The following DMD variants were observed in gnomAD, a reference collection of about 807,000 sequenced individuals.
DMD encodes the protein mutant dystrophin.
In DMD, 63 loss-of-function variants were observed where a neutral mutation model predicts 330.1. The ratio of observed to expected loss-of-function variants is 0.19; its 90% CI spans 0.16 to 0.24. The LOEUF (loss-of-function observed/expected upper bound fraction) is 0.24. Ranked by LOEUF, DMD falls within the 10% of genes least tolerant of loss-of-function variation. The pLI, the probability that DMD is intolerant of heterozygous loss-of-function variation, is 1.00. For synonymous variants in DMD, 1,223 were observed against 959.8 expected, an observed-to-expected ratio of 1.27 and a Z score of -5.07; for missense variants, 3,344 against 2,684.1, an observed-to-expected ratio of 1.25 and a Z score of -5.43.
chrX:32,390,033 A>G, intron 31 of DMD, 38 bp downstream of exon 31: 1 of 1,102,310 alleles, frequency 9.1e-7, no homozygotes, highest in Non-Finnish European at 1.3e-6. Context: ...ATAATGCCCA[A>G]CGAAAACACG....
chrX:32,374,389 C>G (rs1477453172), intron 34 of DMD, among the ~76,000 whole-genome samples: 1 of 111,384 alleles, frequency 9.0e-6, no homozygotes, highest in Non-Finnish European at 1.9e-5. Flanking sequence ...AGCCAGTGTC[C>G]AGAAGAACTT....
intron 44 of DMD, among the ~76,000 whole-genome samples, chrX:32,115,957 C>T (rs1271644821): frequency 8.9e-6 from 1 of 111,934 alleles, no homozygotes; most frequent in African/African-American, 3.3e-5. Flanking sequence ...GATGAATGAA[C>T]TCTTTGAAGA....
intron 52 of DMD, among the ~76,000 whole-genome samples, chrX:31,728,561 T>C (rs2086256441): frequency 8.9e-6 from 1 of 112,157 alleles, no homozygotes; most frequent in Non-Finnish European, 1.9e-5. Context: ...CCTTTTACTC[T>C]GGTTACTCTT....
rs73621831 is a variant in DMD at position 32,791,175 on chromosome X, C to T, written c.649+18318G>A. ...AACTGGCTTGCCCAATCTGTTGCAT[C>T]CACCACCAACACCATCATGGATTGC... On this transcript the variant is annotated intron_variant, in intron 7 of 78. Coordinates refer to ENST00000357033, the MANE Select transcript of DMD (RefSeq NM_004006.3). Among the ~76,000 whole-genome samples, 221 of 109,545 alleles carry T rather than the reference C, an allele frequency of 2.0e-3. 1 individual carries two copies. The highest frequency in any genetic ancestry group is 6.7e-3 in the African/African-American group (202 of 30,210).
At chrX:32,360,800 A>AAAATAATAATAAT (rs2097829882) in intron 37 of DMD, among the ~76,000 whole-genome samples, 2 of 95,953 alleles carry the variant, frequency 2.1e-5, no homozygotes, top group African/African-American at 3.9e-5. Context: ...CACACACACA[A>AAAATAATAATAAT]AATAATAATA....
At chrX:32,343,790 T>C (rs2146999897) in intron 39 of DMD, among the ~76,000 whole-genome samples, 1 of 112,210 alleles carries the variant, frequency 8.9e-6, no homozygotes, top group Admixed American at 9.5e-5. Context: ...TCATAGGCCA[T>C]TAATATTTTA....
chrX:32,186,910 G>A (rs1380024185), intron 44 of DMD, among the ~76,000 whole-genome samples: 2 of 110,585 alleles, frequency 1.8e-5, no homozygotes, highest in Non-Finnish European at 3.8e-5. Flanking sequence ...GTAATTTAAC[G>A]GAACATATCA....
At chrX:31,394,087 T>C (rs2060807158) in intron 60 of DMD, among the ~76,000 whole-genome samples, 1 of 112,801 alleles carries the variant, frequency 8.9e-6, no homozygotes, top group Non-Finnish European at 1.9e-5. Context: ...TATTTGCTAA[T>C]ACTTGGTATT....
chrX:32,451,556 ACTTTC>A (rs2098330190), intron 26 of DMD, among the ~76,000 whole-genome samples: 1 of 110,676 alleles, frequency 9.0e-6, no homozygotes, highest in Non-Finnish European at 1.9e-5. Context: ...TGTCAAAAAA[ACTTTC>A]CTTTTCAGGG....
chrX:31,310,110 C>T (rs1026456989), intron 62 of DMD, among the ~76,000 whole-genome samples: 4 of 109,580 alleles, frequency 3.7e-5, no homozygotes, highest in Non-Finnish European at 7.6e-5. Context: ...CCTTCACATC[C>T]CCCAGGGAAT....
intron 2 of DMD, among the ~76,000 whole-genome samples, chrX:32,862,530 TTTTATC>T (rs1208131105): frequency 9.0e-6 from 1 of 111,696 alleles, no homozygotes; most frequent in Non-Finnish European, 1.9e-5. Flanking sequence ...GTCTCAATTG[TTTTATC>T]TTTAAGTTAG....
At chrX:31,291,003 T>C (rs1269121958) in intron 62 of DMD, among the ~76,000 whole-genome samples, 1 of 112,398 alleles carries the variant, frequency 8.9e-6, no homozygotes, top group Non-Finnish European at 1.9e-5. Context: ...ATGAAAATAT[T>C]CTAGTTATTT....
chrX:32,494,948 C>G (rs1028644625), intron 19 of DMD, among the ~76,000 whole-genome samples: 3 of 110,881 alleles, frequency 2.7e-5, no homozygotes, highest in Non-Finnish European at 5.7e-5. Flanking sequence ...GTATTCTAGC[C>G]TGGGCAACAG....
intron 73 of DMD, among the ~76,000 whole-genome samples, chrX:31,170,502 C>G (rs2039886001): frequency 9.0e-6 from 1 of 111,038 alleles, no homozygotes; most frequent in African/African-American, 3.3e-5. Flanking sequence ...TCCGTAATGA[C>G]AGGCTAAAGC....
At chrX:31,191,607 C>A (rs961921337) in intron 67 of DMD, among the ~76,000 whole-genome samples, 1 of 111,290 alleles carries the variant, frequency 9.0e-6, no homozygotes, top group African/African-American at 3.3e-5. Flanking sequence ...TCTTTTTTTG[C>A]CTGCTGCCAT....
At chrX:31,289,050 C>T (rs770167921) in intron 62 of DMD, among the ~76,000 whole-genome samples, 4 of 107,807 alleles carry the variant, frequency 3.7e-5, no homozygotes, top group South Asian at 8.1e-4. Flanking sequence ...GAGGTCGAGG[C>T]GGGTGGATCA....
At chrX:31,606,418 G>T (rs991423295) in intron 55 of DMD, among the ~76,000 whole-genome samples, 2 of 111,696 alleles carry the variant, frequency 1.8e-5, no homozygotes, top group Non-Finnish European at 3.8e-5. Flanking sequence ...CATAGTTTTT[G>T]GTTACAATAA....
At chrX:32,755,394 T>C (rs1202539384) in intron 7 of DMD, among the ~76,000 whole-genome samples, 1 of 111,618 alleles carries the variant, frequency 9.0e-6, no homozygotes, top group Non-Finnish European at 1.9e-5. Flanking sequence ...CTTCTGAAGT[T>C]AAAATATTTC....
intron 1 of DMD, among the ~76,000 whole-genome samples, chrX:33,314,565 T>G (rs1460320149): frequency 1.5e-5 from 1 of 65,088 alleles, no homozygotes; most frequent in Non-Finnish European, 3.4e-5. Context: ...GCCTGTTTTT[T>G]TTTTGTTTTT....
Sources: allele counts gnomAD v4.1 joint callset (sites outside exome capture counted in the v4.1 genomes callset), GRCh38; gene constraint gnomAD v4.1.1; transcripts MANE v1.5; gene names NCBI Gene and HGNC (gene_info 2026-07-23, HGNC 2026-07-21).